Variants in NCOA1 observed in about 807,000 individuals in gnomAD.
The protein encoded by NCOA1 is nuclear receptor coactivator 1.
A neutral mutation model predicts 150.9 loss-of-function variants in NCOA1; 35 were observed. The ratio of observed to expected loss-of-function variants is 0.23; its 90% CI spans 0.18 to 0.31. NCOA1 has a LOEUF of 0.31. Ranked by LOEUF, NCOA1 falls within the 10% of genes least tolerant of loss-of-function variation. The pLI, the probability that NCOA1 is intolerant of heterozygous loss-of-function variation, is 1.00. For missense variants in NCOA1, 1,491 were observed against 1,749.3 expected (o/e 0.85, Z 2.63); for synonymous variants, 590 against 630.0 (o/e 0.94, Z 0.95).
At chr2:24,561,817 T>G (rs1299798277) in intron 1 of NCOA1, among the ~76,000 whole-genome samples, 3 of 152,054 alleles carry the variant, frequency 2.0e-5, no homozygotes, top group Non-Finnish European at 4.4e-5. Context: ...TATCACAAAT[T>G]AAAACCTACA....
At chr2:24,563,360 A>C (rs1215511686) in intron 1 of NCOA1, among the ~76,000 whole-genome samples, 1 of 152,150 alleles carries the variant, frequency 6.6e-6, no homozygotes, top group Non-Finnish European at 1.5e-5. Flanking sequence ...GGTAGAAGTA[A>C]CTAGCCCCAC....
intron 7 of NCOA1, among the ~76,000 whole-genome samples, chr2:24,675,915 A>G (rs1216771917): frequency 1.3e-5 from 2 of 152,146 alleles, no homozygotes; most frequent in East Asian, 3.8e-4. Flanking sequence ...TAAGTAAAAA[A>G]TAAACAAGAG....
At chr2:24,629,817 C>CATATATAT (rs57598398) in intron 3 of NCOA1, among the ~76,000 whole-genome samples, 178 of 79,312 alleles carry the variant, frequency 2.2e-3, no homozygotes, top group Middle Eastern at 0.018. Context: ...AACATACATA[C>CATATATAT]ATATATATAT....
At chr2:24,715,581 CA>C (rs1221185942) in intron 14 of NCOA1, among the ~76,000 whole-genome samples, 2 of 152,080 alleles carry the variant, frequency 1.3e-5, no homozygotes, top group Non-Finnish European at 2.9e-5. Context: ...TTTAAAAAAT[CA>C]ATTGTATTTC....
intron 1 of NCOA1, among the ~76,000 whole-genome samples, chr2:24,519,250 G>A (rs184280539): frequency 5.9e-5 from 9 of 152,188 alleles, no homozygotes; most frequent in Admixed American, 5.9e-4. Context: ...ATACTGATAC[G>A]TGCTACAACA....
In NCOA1 at chr2:24,594,453, C is replaced by T. The variant is rs139693348; in HGVS notation, c.-175+9893C>T. On this transcript the variant is annotated intron_variant, in intron 3 of 22. Coordinates refer to ENST00000348332, the MANE Select transcript of NCOA1 (RefSeq NM_003743.5). ...ATTAGAAAGGTCTTTGCCTTTATTG[C>T]ATCAGAACATAATCACAGAATTTCT... Among the ~76,000 whole-genome samples the T allele has an allele frequency of 7.0e-3, 1,067 of 152,152 alleles. 12 individuals carry two copies. The highest frequency in any genetic ancestry group is 0.024 in the African/African-American group (1,006 of 41,532).
chr2:24,576,360 A>G (rs1666989467), intron 2 of NCOA1, among the ~76,000 whole-genome samples: 2 of 151,680 alleles, frequency 1.3e-5, no homozygotes, highest in Admixed American at 6.6e-5. Context: ...TGGCCCCACT[A>G]AGTGTCAATC....
intron 3 of NCOA1, among the ~76,000 whole-genome samples, chr2:24,608,882 C>G (rs966039582): frequency 7.9e-5 from 12 of 151,944 alleles, no homozygotes; most frequent in Non-Finnish European, 7.4e-5. Context: ...GATATTCTCT[C>G]TGTTGGGGTT....
intron 18 of NCOA1, among the ~76,000 whole-genome samples, chr2:24,739,760 G>A (rs1318220643): frequency 6.6e-6 from 1 of 151,876 alleles, no homozygotes; most frequent in African/African-American, 2.4e-5. Flanking sequence ...TATTGTCATT[G>A]TTATTGGATA....
chr2:24,568,983 T>A (rs1666623121), intron 2 of NCOA1, among the ~76,000 whole-genome samples: 1 of 152,234 alleles, frequency 6.6e-6, no homozygotes, highest in Non-Finnish European at 1.5e-5. Flanking sequence ...TAGAAAAGCT[T>A]CTTTGTTTCC....
chr2:24,742,119 A>G lies in NCOA1; in HGVS notation c.3639A>G (p.Ile1213Met), dbSNP rs997982861. ...SMVSRGMTGNIGGQFGTGINP... is the reference protein window; with the variant it reads ...SMVSRGMTGNMGGQFGTGINP... ...TGAGCAGAGGCATGACAGGAAACAT[A>G]GGAGGACAGTTTGGCACTGGAATCA... is the stretch of plus-strand genomic sequence containing the variant. The change falls in exon 19 of 23, where the codon ATA (isoleucine) becomes ATG (methionine). Residue 1213 changes from isoleucine (I) to methionine (M), a missense_variant. Physicochemically the swap from Ile to Met is conservative, Grantham distance 10. Coordinates refer to ENST00000348332, the MANE Select transcript of NCOA1 (RefSeq NM_003743.5). 1 of 1,614,050 alleles carries G rather than the reference A, an allele frequency of 6.2e-7. No individual in the cohort carries two copies. Among genetic ancestry groups the G allele is most frequent in the Non-Finnish European group, 8.5e-7 (1 of 1,179,998 alleles).
chr2:24,734,813 A>G (rs1309516067), intron 17 of NCOA1, among the ~76,000 whole-genome samples: 4 of 152,160 alleles, frequency 2.6e-5, no homozygotes, highest in Non-Finnish European at 1.5e-5. Flanking sequence ...CTAAAAAAAA[A>G]AATTAAAACA....
chr2:24,705,091 A>G lies in NCOA1; in HGVS notation c.955A>G (p.Thr319Ala). 1 of 1,612,790 alleles carries G rather than the reference A, an allele frequency of 6.2e-7. No homozygotes were observed. The highest frequency in any genetic ancestry group is 8.5e-7 in the Non-Finnish European group (1 of 1,179,268). ...YARQLFQEVMTRGTASSPSYR... is the reference protein window; with the variant it reads ...YARQLFQEVMARGTASSPSYR... ...TTCTCTTCTGTTTGAAACAGTGATG[A>G]CTCGTGGCACTGCCTCCAGCCCCTC... The change falls in exon 12 of 23, where the codon ACT becomes GCT. Residue 319 changes from threonine (T) to alanine (A), a missense_variant. By Grantham distance (58) the Thr-to-Ala change is moderately conservative (BLOSUM62 0). This residue lies in a region of NCOA1 where 25 missense variants were observed against 66.1 expected (regional missense o/e 0.38). Transcript: ENST00000348332.
chr2:24,636,362 A>G (rs1250894321), intron 3 of NCOA1, among the ~76,000 whole-genome samples: 4 of 152,080 alleles, frequency 2.6e-5, no homozygotes, highest in African/African-American at 9.7e-5. Flanking sequence ...TTGTTTTTAA[A>G]TGTTATTTTC....
chr2:24,633,598 A>G (rs1427837212), intron 3 of NCOA1, among the ~76,000 whole-genome samples: 1 of 152,220 alleles, frequency 6.6e-6, no homozygotes, highest in Non-Finnish European at 1.5e-5. Flanking sequence ...GCAAACTTAG[A>G]TGCCTAGGCT....
At chr2:24,639,362 A>G (rs1670075652) in intron 3 of NCOA1, among the ~76,000 whole-genome samples, 1 of 152,120 alleles carries the variant, frequency 6.6e-6, no homozygotes, top group Non-Finnish European at 1.5e-5. Flanking sequence ...TGTTCAGAAC[A>G]CTATATTTGT....
At chr2:24,720,874 G>A (rs922709791) in intron 14 of NCOA1, among the ~76,000 whole-genome samples, 2 of 152,056 alleles carry the variant, frequency 1.3e-5, no homozygotes, top group African/African-American at 4.8e-5. Flanking sequence ...TTAAGTTTGT[G>A]CCCGCCCAGG....
intron 14 of NCOA1, among the ~76,000 whole-genome samples, chr2:24,725,642 G>A (rs1674576189): frequency 6.6e-6 from 1 of 151,724 alleles, no homozygotes; most frequent in Non-Finnish European, 1.5e-5. Context: ...ATTCATTTTA[G>A]AAATTTCAAA....
At chr2:24,556,198 C>G (rs540337452) in intron 1 of NCOA1, 1 of 152,276 alleles carries the variant, frequency 6.6e-6, no homozygotes, top group South Asian at 2.1e-4. Context: ...CTCCCTATGT[C>G]CATGTGTTCT....
Sources: gnomAD v4.1 joint callset for allele counts (sites outside exome capture counted in the v4.1 genomes callset) on GRCh38, gnomAD v4.1.1 for gene constraint, gnomAD v4.1.1 regional missense constraint, MANE v1.5 for transcripts, NCBI Gene and HGNC (gene_info 2026-07-23, HGNC 2026-07-21) for gene names.